The following MRPL1 variants were observed in gnomAD, a reference collection of about 807,000 sequenced individuals.
The protein encoded by MRPL1 is large ribosomal subunit protein uL1m.
A neutral mutation model predicts 38.0 loss-of-function variants in MRPL1; 28 were observed. The observed-to-expected ratio is 0.74, with a 90% CI of 0.55 to 1.01. The LOEUF (loss-of-function observed/expected upper bound fraction) is 1.01. Among genes scored for constraint, MRPL1 ranks in the 50% least tolerant of loss-of-function variants. The probability of loss-of-function intolerance (pLI) is 0.00; values close to 1 mark genes in which losing one functional copy is unlikely to be tolerated. For synonymous variants in MRPL1, 123 were observed against 126.7 expected (o/e 0.97, Z 0.20); for missense variants, 358 against 389.8 (o/e 0.92, Z 0.69).
Position 77,885,325 on chromosome 4 carries a change from G to T in MRPL1, c.472G>T (p.Ala158Ser). Residue 158 changes from alanine to serine, a missense_variant, in exon 4 of 9, where the codon GCT (alanine) becomes TCT (serine). Ala to Ser is a moderately conservative substitution (Grantham distance 99, BLOSUM62 1). Coordinates refer to ENST00000315567, the MANE Select transcript of MRPL1 (RefSeq NM_020236.4). ...YPFASEINKV[A>S]VFTENASEVK... ...ATTTGCTTCCGAAATCAATAAAGTT[G>T]CTGTATTTACAGAGGTGAGTAACTT... The T allele has an allele frequency of 6.2e-7, 1 of 1,612,914 alleles. No individual in the cohort carries two copies. Among genetic ancestry groups the T allele is most frequent in the Non-Finnish European group, 8.5e-7 (1 of 1,178,942 alleles).
At chr4:77,946,039 T>TC (rs1195796712) in intron 7 of MRPL1, among the ~76,000 whole-genome samples, 1 of 151,992 alleles carries the variant, frequency 6.6e-6, no homozygotes, top group Non-Finnish European at 1.5e-5. Flanking sequence ...TGGGGTTTTT[T>TC]CCCCCACCCT....
intron 7 of MRPL1, among the ~76,000 whole-genome samples, chr4:77,927,630 A>G (rs111845173): frequency 6.6e-6 from 1 of 152,012 alleles, no homozygotes; most frequent in Non-Finnish European, 1.5e-5. Flanking sequence ...TTTAATTCAA[A>G]TATAAAATCT....
chr4:77,875,760 A>G (rs1043767726), intron 2 of MRPL1, among the ~76,000 whole-genome samples: 1 of 152,210 alleles, frequency 6.6e-6, no homozygotes, highest in African/African-American at 2.4e-5. Flanking sequence ...TTTGGTTTGA[A>G]TATAAGATGA....
chr4:77,924,068 A>G (rs1373106067), intron 7 of MRPL1, among the ~76,000 whole-genome samples: 2 of 150,882 alleles, frequency 1.3e-5, no homozygotes, highest in African/African-American at 2.4e-5. Context: ...TTTTTTCCCT[A>G]TTCTTTCTGT....
chr4:77,871,917 T>C (rs1449194138), intron 2 of MRPL1, 62 bp downstream of exon 2: 2 of 1,080,080 alleles, frequency 1.9e-6, no homozygotes, highest in East Asian at 2.5e-5. Flanking sequence ...TTAAAAAGCA[T>C]GTTTAGTTCC....
chr4:77,919,834 G>GTT (rs556187812), intron 7 of MRPL1, among the ~76,000 whole-genome samples: 9 of 142,634 alleles, frequency 6.3e-5, no homozygotes, highest in Admixed American at 1.4e-4. Context: ...TCAGATCCAT[G>GTT]TTATATATAT....
intron 7 of MRPL1, among the ~76,000 whole-genome samples, chr4:77,947,026 A>AAAAAAG (rs1553908982): frequency 6.7e-6 from 1 of 149,358 alleles, no homozygotes; most frequent in African/African-American, 2.5e-5. Flanking sequence ...AAAAAAAAAA[A>AAAAAAG]GTTAAGAACC....
In MRPL1 at chr4:77,863,461, A is replaced by ATTTTT. The variant is rs969402527; in HGVS notation, c.31+599_31+603dup. On this transcript the variant is annotated intron_variant, in intron 1 of 8. Transcript: ENST00000315567. ...GATGACAGCCCTTTCTTGTGCAACA[A>ATTTTT]TTTTTTTTTTTTTTTTTTTTTGAGA... is the stretch of plus-strand genomic sequence containing the variant. Among the ~76,000 whole-genome samples, 175 of 112,642 alleles carry ATTTTT rather than the reference A, an allele frequency of 1.6e-3. 7 individuals carry two copies. The highest frequency in any genetic ancestry group is 4.1e-3 in the African/African-American group (107 of 26,126). 73.9% of individuals were successfully genotyped at this position (112,642 alleles called of 152,430 possible).
At chr4:77,894,379 G>T in intron 6 of MRPL1, 129 bp downstream of exon 6, 1 of 564,210 alleles carries the variant, frequency 1.8e-6, no homozygotes. Flanking sequence ...TTTGAGTTAC[G>T]AGAACCTACG....
At chr4:77,879,453 C>T (rs1735487340) in intron 2 of MRPL1, among the ~76,000 whole-genome samples, 2 of 152,212 alleles carry the variant, frequency 1.3e-5, no homozygotes, top group Admixed American at 6.5e-5. Context: ...AACTCAGACT[C>T]TTTATGTATC....
intron 6 of MRPL1, chr4:77,908,196 T>TGGTA (rs1736203787): frequency 6.4e-6 from 1 of 155,536 alleles, no homozygotes; most frequent in African/African-American, 2.4e-5. Flanking sequence ...CACTTCTTTA[T>TGGTA]GGTAGGTAAA....
intron 7 of MRPL1, among the ~76,000 whole-genome samples, chr4:77,914,670 A>T (rs1358974056): frequency 6.6e-6 from 1 of 152,034 alleles, no homozygotes; most frequent in Non-Finnish European, 1.5e-5. Context: ...GAGTGAAATT[A>T]TTCTTATTAT....
At chr4:77,943,087 C>T (rs932492111) in intron 7 of MRPL1, among the ~76,000 whole-genome samples, 71 of 152,142 alleles carry the variant, frequency 4.7e-4, no homozygotes, top group African/African-American at 1.4e-3. Flanking sequence ...GTGGCAAATT[C>T]TCTCAGCATT....
intron 8 of MRPL1, among the ~76,000 whole-genome samples, chr4:77,951,870 A>G (rs1160408978): frequency 2.0e-5 from 3 of 152,184 alleles, no homozygotes; most frequent in Non-Finnish European, 4.4e-5. Context: ...ATTCCCACCT[A>G]TGCTCTGACC....
chr4:77,902,835 T>C (rs1049757210), intron 6 of MRPL1, among the ~76,000 whole-genome samples: 1 of 152,190 alleles, frequency 6.6e-6, no homozygotes, highest in African/African-American at 2.4e-5. Flanking sequence ...TAGATCTGTA[T>C]AAAGGAAAGA....
chr4:77,896,677 C>A (rs1735921937), intron 6 of MRPL1, among the ~76,000 whole-genome samples: 1 of 152,142 alleles, frequency 6.6e-6, no homozygotes, highest in Non-Finnish European at 1.5e-5. Context: ...AAAAAACAAG[C>A]TCCTGCAGCT....
chr4:77,875,911 G>A (rs931847014), intron 2 of MRPL1, among the ~76,000 whole-genome samples: 1 of 152,142 alleles, frequency 6.6e-6, no homozygotes, highest in African/African-American at 2.4e-5. Flanking sequence ...AGTAGTGCCA[G>A]TTTTCCACAT....
At chr4:77,917,190 C>G (rs1174762936) in intron 7 of MRPL1, among the ~76,000 whole-genome samples, 1 of 152,144 alleles carries the variant, frequency 6.6e-6, no homozygotes, top group Non-Finnish European at 1.5e-5. Context: ...CACTCTTATT[C>G]TCCACAACTC....
At chr4:77,874,171 A>G (rs968868959) in intron 2 of MRPL1, among the ~76,000 whole-genome samples, 1 of 152,042 alleles carries the variant, frequency 6.6e-6, no homozygotes, top group Non-Finnish European at 1.5e-5. Flanking sequence ...TATTTTTAGT[A>G]GAGACGGGGT....
Sources: allele counts gnomAD v4.1 joint callset (sites outside exome capture counted in the v4.1 genomes callset), GRCh38; gene constraint gnomAD v4.1.1; transcripts MANE v1.5; gene names NCBI Gene and HGNC (gene_info 2026-07-23, HGNC 2026-07-21).